KCTD3: variants seen among roughly 807,000 people sequenced by gnomAD.
KCTD3 encodes the protein potassium channel tetramerization domain containing 3, also known as BTB/POZ domain-containing protein KCTD3.
A neutral mutation model predicts 85.8 loss-of-function variants in KCTD3; 41 were observed. That is an observed-to-expected ratio of 0.48 (90% CI 0.37 to 0.62). The LOEUF (loss-of-function observed/expected upper bound fraction) is 0.62. Among genes scored for constraint, KCTD3 ranks in the 20% least tolerant of loss-of-function variants. The probability of loss-of-function intolerance (pLI) is 0.00; values close to 1 mark genes in which losing one functional copy is unlikely to be tolerated. For synonymous variants in KCTD3, 338 were observed against 345.4 expected (o/e 0.98, Z 0.24); for missense variants, 724 against 989.9 (o/e 0.73, Z 3.60).
intron 9 of KCTD3, among the ~76,000 whole-genome samples, chr1:215,592,146 CACA>C (rs1261899812): frequency 6.6e-6 from 1 of 152,188 alleles, no homozygotes; most frequent in Non-Finnish European, 1.5e-5. Context: ...GGGTTCCTCT[CACA>C]ACACCTGGGA....
chr1:215,596,267 G>T (rs190610138), intron 10 of KCTD3, among the ~76,000 whole-genome samples: 3 of 152,206 alleles, frequency 2.0e-5, no homozygotes, highest in Admixed American at 6.5e-5. Flanking sequence ...TGGTGGGTAG[G>T]GTGAAGAATT....
At chr1:215,579,876 A>C in intron 7 of KCTD3, 33 bp from the exon 8 acceptor site, 1 of 1,494,296 alleles carries the variant, frequency 6.7e-7, no homozygotes, top group South Asian at 1.1e-5. Flanking sequence ...CCCGGTTTAG[A>C]ATGTAAAATA....
Position 215,620,402 on chromosome 1 carries a change from A to G in KCTD3, c.2232A>G (p.Glu744=). 7.4e-6 allele frequency: 12 copies of G among 1,612,524 alleles called. No homozygotes were observed. Among genetic ancestry groups the G allele is most frequent in the Non-Finnish European group, 1.0e-5 (12 of 1,179,138 alleles). ...GFSESKKRSS[E]DENENKIEFR... ...CAGAATCCAAGAAAAGGTCATCAGAAGATGAAAATGAAAATAAAATAGAGT... is the reference window on the plus strand; with the variant it reads ...CAGAATCCAAGAAAAGGTCATCAGAGGATGAAAATGAAAATAAAATAGAGT... Residue 744 remains glutamate, a synonymous_variant, in exon 18 of 18, where the codon GAA becomes GAG. Coordinates refer to ENST00000259154, the MANE Select transcript of KCTD3 (RefSeq NM_016121.5).
chr1:215,581,935 T>C (rs1166637153), intron 8 of KCTD3, among the ~76,000 whole-genome samples: 1 of 152,246 alleles, frequency 6.6e-6, no homozygotes, highest in Non-Finnish European at 1.5e-5. Context: ...AAAAGAGTAG[T>C]ACAGTGAAGA....
chr1:215,612,989 C>T (rs1056492588), intron 15 of KCTD3, among the ~76,000 whole-genome samples: 4 of 151,838 alleles, frequency 2.6e-5, no homozygotes, highest in Admixed American at 6.6e-5. Context: ...TGGGGGTGAG[C>T]GGGGCCGGGG....
Position 215,577,725 on chromosome 1 carries a change from T to C in KCTD3, c.313T>C (p.Leu105=). 6.3e-7 allele frequency: 1 copy of C among 1,580,762 alleles called. No homozygotes were observed. Among genetic ancestry groups the C allele is most frequent in the Non-Finnish European group, 8.7e-7 (1 of 1,149,824 alleles). The part of the protein sequence containing the change: ...HEAEFYGITP[L]VRRLLLCEEL... ...AGCAGAATTTTACGGGATCACTCCATTAGGTATGTGCTCTTTTAATATTTG... is the reference window on the plus strand; with the variant it reads ...AGCAGAATTTTACGGGATCACTCCACTAGGTATGTGCTCTTTTAATATTTG... Residue 105 remains leucine (L), a synonymous_variant, in exon 5 of 18, where the codon TTA becomes CTA. Coordinates refer to ENST00000259154, the MANE Select transcript of KCTD3 (RefSeq NM_016121.5).
At position 215,578,073 on chromosome 1, in the gene KCTD3, C is replaced by G. The variant is rs1485584966; in HGVS notation, c.389C>G (p.Pro130Arg). ...AGTGTCCTTTTTCATGGTTACTTGC[C>G]CCCACCAGGTATTTTCACTTTATTA... ...CGSVLFHGYL[P>R]PPGIPSRKIN... is the part of the protein sequence containing the mutation. Residue 130 changes from proline (P) to arginine (R), a missense_variant, in exon 6 of 18, where the codon CCC becomes CGC. Physicochemically the swap from Pro to Arg is moderately radical, Grantham distance 103. Around this residue, in one of 6 missense-constraint regions of KCTD3, gnomAD observed 106 missense variants for 98.2 expected, o/e 1.08. Transcript: ENST00000259154. 2 of 1,609,484 alleles carry G rather than the reference C, an allele frequency of 1.2e-6. No homozygotes were observed. The highest frequency in any genetic ancestry group is 2.7e-5 in the African/African-American group (2 of 74,850).
At chr1:215,617,151 A>G (rs1452767006) in intron 15 of KCTD3, among the ~76,000 whole-genome samples, 3 of 152,218 alleles carry the variant, frequency 2.0e-5, no homozygotes, top group African/African-American at 4.8e-5. Context: ...TGGAAGCTCT[A>G]TGCTCCTTCC....
At chr1:215,606,418 A>G (rs572669256) in intron 13 of KCTD3, among the ~76,000 whole-genome samples, 4 of 152,200 alleles carry the variant, frequency 2.6e-5, no homozygotes, top group South Asian at 2.1e-4. Flanking sequence ...AAATTCTCCA[A>G]TAGCAGAAAC....
chr1:215,573,227 A>T (rs546095316), intron 1 of KCTD3, among the ~76,000 whole-genome samples: 6 of 152,338 alleles, frequency 3.9e-5, no homozygotes, highest in African/African-American at 1.4e-4. Flanking sequence ...AAAAGAGATA[A>T]TACAGGATTG....
chr1:215,591,095 A>G (rs962714064), intron 9 of KCTD3, among the ~76,000 whole-genome samples: 2 of 152,078 alleles, frequency 1.3e-5, no homozygotes, highest in African/African-American at 4.8e-5. Flanking sequence ...CTGGAATCTT[A>G]TTTAACTGAA....
In KCTD3 at chr1:215,620,784, T is replaced by C. The variant is rs1268355077; in HGVS notation, c.*166T>C. On this transcript the variant is annotated 3_prime_UTR_variant, in exon 18 of 18. Coordinates refer to ENST00000259154, the MANE Select transcript of KCTD3 (RefSeq NM_016121.5). ...GGAATAATGAGATACAATAATCATA[T>C]CTCTTTTGACATTTTGGAAATTTTT... The C allele has an allele frequency of 3.7e-6, 2 of 536,332 alleles. No individual in the cohort carries two copies. Among genetic ancestry groups the C allele is most frequent in the Non-Finnish European group, 6.4e-6 (2 of 311,774 alleles). 33.2% of individuals were successfully genotyped at this position (536,332 alleles called of 1,614,324 possible).
At position 215,567,621 on chromosome 1, in the gene KCTD3, C is replaced by G; in HGVS notation, c.-65C>G. 1 of 1,072,962 alleles carries G rather than the reference C, an allele frequency of 9.3e-7. No homozygotes were observed. The highest frequency in any genetic ancestry group is 1.2e-6 in the Non-Finnish European group (1 of 849,668). The allele number at this position is 1,072,962 out of a possible 1,614,324, so 66.5% of individuals were successfully genotyped here. On this transcript the variant is annotated 5_prime_UTR_variant, in exon 1 of 18. Transcript: ENST00000259154. ...CAGCCGTCGCCGCTGCCTCGGGCTA[C>G]AGCCCCGGGCTCGGCGGTCCCGGCT...
In KCTD3 at chr1:215,589,889, A is replaced by C. The variant is rs138324472; in HGVS notation, c.817+3204A>C. 3.8e-4 allele frequency among the ~76,000 whole-genome samples: 58 copies of C among 152,326 alleles called. No homozygotes were observed. In the East Asian group the frequency reaches 0.01, roughly 27 times the overall value. On this transcript the variant is annotated intron_variant, in intron 9 of 17. Coordinates refer to ENST00000259154, the MANE Select transcript of KCTD3 (RefSeq NM_016121.5). ...TCCAATTTGGAGATATTATGAATAAAGCTGCAGTTAACATTCAAGTAGAAG... is the reference window on the plus strand; with the variant it reads ...TCCAATTTGGAGATATTATGAATAACGCTGCAGTTAACATTCAAGTAGAAG...
At chr1:215,577,508 T>G (rs537265014) in intron 4 of KCTD3, among the ~76,000 whole-genome samples, 162 bp from the exon 5 acceptor site, 1 of 152,288 alleles carries the variant, frequency 6.6e-6, no homozygotes, top group African/African-American at 2.4e-5. Flanking sequence ...TATTTACACT[T>G]TTTAATGATT....
At chr1:215,619,965 A>T in intron 17 of KCTD3, 92 bp from the exon 18 acceptor site, 1 of 867,182 alleles carries the variant, frequency 1.2e-6, no homozygotes, top group Non-Finnish European at 1.7e-6. Flanking sequence ...TTATGTATTT[A>T]TATAGTGTGT....
intron 15 of KCTD3, 136 bp downstream of exon 15, chr1:215,612,057 T>A: frequency 1.6e-6 from 1 of 608,706 alleles, no homozygotes; most frequent in African/African-American, 1.8e-5. Flanking sequence ...TATCTCATAA[T>A]CATAACTCAA....
At chr1:215,570,230 C>CTT (rs528176748) in intron 1 of KCTD3, among the ~76,000 whole-genome samples, 4 of 139,288 alleles carry the variant, frequency 2.9e-5, no homozygotes, top group African/African-American at 1.0e-4. Context: ...TCGGTAAGGT[C>CTT]TTTTTTTTTT....
intron 15 of KCTD3, among the ~76,000 whole-genome samples, chr1:215,613,324 C>T (rs568862280): frequency 2.6e-4 from 39 of 152,164 alleles, no homozygotes; most frequent in South Asian, 8.3e-4. Context: ...TGTGTCTGTT[C>T]GTGTCGTTTG....
Sources: gnomAD v4.1 joint callset for allele counts (sites outside exome capture counted in the v4.1 genomes callset) on GRCh38, gnomAD v4.1.1 for gene constraint, gnomAD v4.1.1 regional missense constraint, MANE v1.5 for transcripts, NCBI Gene and HGNC (gene_info 2026-07-23, HGNC 2026-07-21) for gene names.